The following PGAP2 variants were observed in gnomAD, a reference collection of about 807,000 sequenced individuals.
PGAP2 encodes the protein acyltransferase PGAP2.
PGAP2 carries 21 observed loss-of-function variants against 33.2 expected under a neutral mutation model. That is an observed-to-expected ratio of 0.63 (90% CI 0.45 to 0.91). PGAP2 has a LOEUF of 0.91. Among genes scored for constraint, PGAP2 ranks in the 40% least tolerant of loss-of-function variants. The pLI is 0.00. For synonymous variants in PGAP2, 161 were observed against 172.9 expected, an observed-to-expected ratio of 0.93 and a Z score of 0.54; for missense variants, 345 against 424.0, an observed-to-expected ratio of 0.81 and a Z score of 1.64.
chr11:3,808,150 G>A, upstream of PGAP2: 3 of 1,446,852 alleles, frequency 2.1e-6, no homozygotes, highest in Middle Eastern at 2.1e-4. Context: ...GGGGAGGGGC[G>A]CCAGGGCTGG....
At chr11:3,823,673 G>A (rs1478578883) in intron 3 of PGAP2, 11 of 1,561,282 alleles carry the variant, frequency 7.0e-6, no homozygotes, top group Non-Finnish European at 8.6e-6. Context: ...ACAAATCCCA[G>A]GATAGCTGGG....
chr11:3,824,858 C>T, intron 5 of PGAP2, 162 bp from the exon 6 acceptor site: 3 of 1,450,326 alleles, frequency 2.1e-6, no homozygotes, highest in Non-Finnish European at 2.7e-6. Context: ...GGGACGTGAA[C>T]ACATAGTCGT....
intron 3 of PGAP2, chr11:3,823,565 C>A: frequency 6.5e-7 from 1 of 1,533,722 alleles, no homozygotes; most frequent in Non-Finnish European, 8.7e-7. Context: ...CAGCTCTGAG[C>A]TATGGGTGTA....
At chr11:3,823,678 G>C in intron 3 of PGAP2, 1 of 1,567,074 alleles carries the variant, frequency 6.4e-7, no homozygotes, top group Non-Finnish European at 8.6e-7. Context: ...TCCCAGGATA[G>C]CTGGGGAATG....
chr11:3,818,860 A>T (rs947410662), intron 3 of PGAP2, among the ~76,000 whole-genome samples: 11 of 152,102 alleles, frequency 7.2e-5, no homozygotes, highest in Non-Finnish European at 2.9e-5. Context: ...GGCTCAGAGG[A>T]GGCACTTCAC....
At chr11:3,805,802 T>C (rs540366505), upstream of PGAP2, among the ~76,000 whole-genome samples, 6 of 151,974 alleles carry the variant, frequency 3.9e-5, 1 homozygote, top group South Asian at 1.2e-3. Flanking sequence ...TTCTCCTGCC[T>C]CAGCCTCCCA....
intron 3 of PGAP2, chr11:3,823,522 C>T: frequency 7.3e-7 from 1 of 1,372,860 alleles, no homozygotes; most frequent in African/African-American, 1.4e-5. Context: ...GAATCTGAGG[C>T]CTTGGAACTC....
At chr11:3,803,884 A>C (rs1033674385), upstream of PGAP2, among the ~76,000 whole-genome samples, 1 of 151,152 alleles carries the variant, frequency 6.6e-6, no homozygotes, top group Non-Finnish European at 1.5e-5. Context: ...TCTGCCTCCC[A>C]GGTTCAAGTG....
chr11:3,799,021 G>A (rs2083058627), intron 1 of PGAP2, among the ~76,000 whole-genome samples: 1 of 152,362 alleles, frequency 6.6e-6, no homozygotes, highest in Non-Finnish European at 1.5e-5. Context: ...AGCTTTCACA[G>A]CGAGTTGAGC....
In PGAP2 at chr11:3,817,437, GT is replaced by G. The variant is rs746861193; in HGVS notation, c.251del (p.Val84AlafsTer41). On this transcript the variant is annotated frameshift_variant, in exon 3 of 7. Coordinates refer to ENST00000278243, the MANE Select transcript of PGAP2 (RefSeq NM_014489.4). LOFTEE classifies it high-confidence loss of function. ...TLFRLRFTAM[V>X]WWAITFPVFG... ...GTTCCGGCTTCGCTTCACAGCCATG[GT>G]CTGGTGGGCCATCACTTTTCCTGTG... 3.0e-4 allele frequency: 491 copies of G among 1,614,052 alleles called. No homozygotes were observed. The highest frequency in any genetic ancestry group is 3.8e-4 in the Non-Finnish European group (447 of 1,180,030).
At chr11:3,806,134 G>T (rs762965548), upstream of PGAP2, among the ~76,000 whole-genome samples, 3 of 152,082 alleles carry the variant, frequency 2.0e-5, no homozygotes, top group Non-Finnish European at 4.4e-5. Context: ...TGGGCATTGG[G>T]GGTAGTCTAG....
rs770386630 is a variant in PGAP2, at chr11:3,811,268, G to C, written c.9G>C (p.Gln3His). Residue 3 changes from glutamine to histidine, a missense_variant, in exon 2 of 7, where the codon CAG (glutamine) becomes CAC (histidine). Gln to His is a conservative substitution (Grantham distance 24, BLOSUM62 0). This residue lies in a region of PGAP2 where 34 missense variants were observed against 70.3 expected (regional missense o/e 0.48). Coordinates refer to ENST00000278243, the MANE Select transcript of PGAP2 (RefSeq NM_014489.4). The surrounding 1 kb of genome is among the most constrained non-coding windows in gnomAD (Gnocchi z 4.6). MY[Q>H]VPLPLDRDGT... The stretch of plus-strand genomic sequence containing the variant: ...TCCCCAGGTCTGACAAGATGTACCA[G>C]GTCCCACTACCACTGGATCGGGATG... 1 of 1,613,300 alleles carries C rather than the reference G, an allele frequency of 6.2e-7. No homozygotes were observed. Among genetic ancestry groups the C allele is most frequent in the South Asian group, 1.1e-5 (1 of 91,016 alleles).
chr11:3,799,246 A>G (rs1288607484), intron 1 of PGAP2, among the ~76,000 whole-genome samples: 1 of 152,194 alleles, frequency 6.6e-6, no homozygotes, highest in Non-Finnish European at 1.5e-5. Context: ...GCAGAAAGCA[A>G]AGCGTATACT....
chr11:3,799,125 T>G (rs989744912), intron 1 of PGAP2, among the ~76,000 whole-genome samples: 99 of 152,244 alleles, frequency 6.5e-4, no homozygotes, highest in African/African-American at 2.3e-3. Context: ...TTGGAAGTCC[T>G]TCTGGGGCCT....
chr11:3,822,786 C>T, intron 3 of PGAP2: 2 of 547,770 alleles, frequency 3.7e-6, no homozygotes, highest in Non-Finnish European at 3.2e-6. Flanking sequence ...AGAGCCTCTT[C>T]CCATCTTTGG....
At chr11:3,801,457 A>C (rs899736818) in intron 1 of PGAP2, among the ~76,000 whole-genome samples, 1 of 151,450 alleles carries the variant, frequency 6.6e-6, no homozygotes, top group Non-Finnish European at 1.5e-5. Context: ...CCTGGCTAAC[A>C]TGGTGAAACC....
At chr11:3,800,373 G>A (rs1374650510) in intron 1 of PGAP2, among the ~76,000 whole-genome samples, 2 of 152,190 alleles carry the variant, frequency 1.3e-5, no homozygotes, top group Admixed American at 6.5e-5. Context: ...TTTGATGCAC[G>A]AATGAGTGAA....
At chr11:3,808,442 C>A (rs1590188326), upstream of PGAP2, 3 of 1,517,434 alleles carry the variant, frequency 2.0e-6, no homozygotes, top group East Asian at 5.1e-5. Flanking sequence ...GAGGACACGC[C>A]AGATTGAGGA....
At chr11:3,823,189 C>A (rs1032392038) in intron 3 of PGAP2, among the ~76,000 whole-genome samples, 1 of 151,642 alleles carries the variant, frequency 6.6e-6, no homozygotes, top group Non-Finnish European at 1.5e-5. Flanking sequence ...GCGCTGGCCA[C>A]CACGCCTGGC....
Sources: allele counts gnomAD v4.1 joint callset (sites outside exome capture counted in the v4.1 genomes callset), GRCh38; gene constraint gnomAD v4.1.1; regional missense constraint gnomAD v4.1.1; non-coding constraint Gnocchi (gnomAD v3.1); transcripts MANE v1.5; gene names NCBI Gene and HGNC (gene_info 2026-07-23, HGNC 2026-07-21).